CTNNA3: variants seen among roughly 807,000 people sequenced by gnomAD.
The protein encoded by CTNNA3 is catenin alpha-3.
In CTNNA3, 76 loss-of-function variants were observed where a neutral mutation model predicts 95.7. The observed-to-expected ratio is 0.79, with a 90% CI of 0.66 to 0.96. CTNNA3 has a LOEUF of 0.96. Among genes scored for constraint, CTNNA3 ranks in the 40% least tolerant of loss-of-function variants. The pLI, the probability that CTNNA3 is intolerant of heterozygous loss-of-function variation, is 0.00. For synonymous variants in CTNNA3, 431 were observed against 374.4 expected (o/e 1.15, Z -1.74); for missense variants, 1,191 against 1,089.8 (o/e 1.09, Z -1.31).
intron 9 of CTNNA3, among the ~76,000 whole-genome samples, chr10:66,652,703 C>T (rs897812410): frequency 1.3e-5 from 2 of 152,166 alleles, no homozygotes; most frequent in African/African-American, 2.4e-5. Context: ...AAATTACATG[C>T]CAATATTCCT....
At chr10:67,296,934 CAAAA>C (rs1210482029) in intron 5 of CTNNA3, among the ~76,000 whole-genome samples, 110 of 17,644 alleles carry the variant, frequency 6.2e-3, no homozygotes, top group African/African-American at 0.02. Context: ...AACGCTGTCT[CAAAA>C]AAAAAAAAAA....
intron 17 of CTNNA3, among the ~76,000 whole-genome samples, chr10:65,944,848 ATATCTGTCTATCTATC>A (rs1363004039): frequency 1.9e-4 from 25 of 132,714 alleles, no homozygotes; most frequent in African/African-American, 6.3e-4. Context: ...AAACAAGAAA[ATATCTGTCTATCTATC>A]TATCTATCTA....
rs917718468 is a variant in CTNNA3 at position 65,919,125 on chromosome 10, T to A, written c.*1205A>T. On this transcript the variant is annotated 3_prime_UTR_variant, in exon 18 of 18. Coordinates refer to ENST00000433211, the MANE Select transcript of CTNNA3 (RefSeq NM_013266.4). ...CCAAAGAGTTTCTGTTAAGGACATT[T>A]TTGAAAGACAGAGAGAGGCAGGTCA... 1 of 152,122 alleles carries A rather than the reference T, an allele frequency of 6.6e-6. No individual in the cohort carries two copies. Among genetic ancestry groups the A allele is most frequent in the Admixed American group, 6.6e-5 (1 of 15,264 alleles). The allele number at this position is 152,122 out of a possible 1,614,324, so 9.4% of individuals were successfully genotyped here.
At position 66,755,212 on chromosome 10, in the gene CTNNA3, C is replaced by G. The variant is rs559889549; in HGVS notation, c.1281+11052G>C. ...CAAGTGAAAAACAAGTCATAAAGACCACATATTGTATGGTTCCTTTATATT... is the reference window on the plus strand; with the variant it reads ...CAAGTGAAAAACAAGTCATAAAGACGACATATTGTATGGTTCCTTTATATT... On this transcript the variant is annotated intron_variant, in intron 9 of 17. Coordinates refer to ENST00000433211, the MANE Select transcript of CTNNA3 (RefSeq NM_013266.4). Among the ~76,000 whole-genome samples, 6 of 152,078 alleles carry G rather than the reference C, an allele frequency of 3.9e-5. No individual in the cohort carries two copies. The South Asian group carries it at 1.2e-3, about 32-fold the overall frequency.
chr10:66,346,240 TATATATAGAGAGAGAGAGAGAG>T (rs1479406007), intron 12 of CTNNA3, among the ~76,000 whole-genome samples: 98 of 11,354 alleles, frequency 8.6e-3, no homozygotes, highest in Admixed American at 0.024. Context: ...TATATATATA[TATATATAGAGAGAGAGAGAGAG>T]AGAGAGAGAG....
At chr10:66,560,700 T>C (rs1005465522) in intron 10 of CTNNA3, among the ~76,000 whole-genome samples, 2 of 152,074 alleles carry the variant, frequency 1.3e-5, no homozygotes, top group Non-Finnish European at 2.9e-5. Context: ...ACTGAATGTG[T>C]CCTCCAAAAT....
intron 10 of CTNNA3, among the ~76,000 whole-genome samples, chr10:66,599,322 C>T (rs1279695452): frequency 6.6e-6 from 1 of 152,040 alleles, no homozygotes; most frequent in Non-Finnish European, 1.5e-5. Flanking sequence ...TCTTTATTAA[C>T]ATCCACAAAG....
chr10:66,929,808 A>G (rs1847270831), intron 7 of CTNNA3, among the ~76,000 whole-genome samples: 1 of 152,212 alleles, frequency 6.6e-6, no homozygotes, highest in South Asian at 2.1e-4. Context: ...CACGAATATC[A>G]TAGCTTCCAT....
At chr10:67,688,691 C>T (rs140001343) in intron 1 of CTNNA3, among the ~76,000 whole-genome samples, 1,549 of 152,194 alleles carry the variant, frequency 0.01, 27 homozygotes, top group African/African-American at 0.036. Context: ...CAAGGGTGAG[C>T]CTGTTGATGC....
intron 7 of CTNNA3, among the ~76,000 whole-genome samples, chr10:66,854,659 T>G (rs566374195): frequency 1.6e-4 from 24 of 151,988 alleles, no homozygotes; most frequent in African/African-American, 5.5e-4. Context: ...TTAAATTGAC[T>G]GACAAGGGCA....
At chr10:67,501,750 C>T (rs1839240038) in intron 5 of CTNNA3, among the ~76,000 whole-genome samples, 2 of 152,040 alleles carry the variant, frequency 1.3e-5, no homozygotes, top group Admixed American at 6.6e-5. Context: ...TCCGCTTGAT[C>T]GATTCAGCTA....
chr10:66,568,524 A>T (rs1842778688), intron 10 of CTNNA3, among the ~76,000 whole-genome samples: 1 of 152,038 alleles, frequency 6.6e-6, no homozygotes, highest in Non-Finnish European at 1.5e-5. Context: ...TTTATAAAGG[A>T]TATATCTTGG....
chr10:66,909,801 T>A (rs902585976), intron 7 of CTNNA3, among the ~76,000 whole-genome samples: 2 of 152,130 alleles, frequency 1.3e-5, no homozygotes, highest in Admixed American at 6.6e-5. Context: ...CTACAGGTAT[T>A]CCCAGAGAAC....
At chr10:66,239,454 C>G (rs945687453) in intron 13 of CTNNA3, among the ~76,000 whole-genome samples, 2 of 151,946 alleles carry the variant, frequency 1.3e-5, no homozygotes, top group Admixed American at 1.3e-4. Flanking sequence ...TGGACTAGTA[C>G]TACAATTGTC....
chr10:67,116,767 T>A (rs1859212755), intron 7 of CTNNA3, among the ~76,000 whole-genome samples: 1 of 148,576 alleles, frequency 6.7e-6, no homozygotes, highest in South Asian at 2.1e-4. Context: ...TGCTTTATGA[T>A]TTTGTTTATG....
At chr10:66,981,802 C>T (rs191454496) in intron 7 of CTNNA3, among the ~76,000 whole-genome samples, 11 of 152,332 alleles carry the variant, frequency 7.2e-5, no homozygotes, top group East Asian at 1.9e-4. Flanking sequence ...GTTCCTTCAA[C>T]GACTTAAGAA....
intron 12 of CTNNA3, among the ~76,000 whole-genome samples, chr10:66,303,517 C>A (rs2091892023): frequency 6.6e-6 from 1 of 151,828 alleles, no homozygotes; most frequent in African/African-American, 2.4e-5. Flanking sequence ...TTTATTTAAA[C>A]AATTATTATT....
intron 7 of CTNNA3, among the ~76,000 whole-genome samples, chr10:67,035,075 G>A (rs377458170): frequency 7.2e-5 from 11 of 152,108 alleles, no homozygotes; most frequent in African/African-American, 1.7e-4. Context: ...TGATAGCTCC[G>A]CATAGCCCAA....
intron 13 of CTNNA3, among the ~76,000 whole-genome samples, chr10:66,118,501 C>G (rs2082434718): frequency 6.6e-6 from 1 of 152,202 alleles, no homozygotes; most frequent in Non-Finnish European, 1.5e-5. Flanking sequence ...GTCCCAGGCA[C>G]TCTTTAGCTA....
Sources: allele counts gnomAD v4.1 joint callset (sites outside exome capture counted in the v4.1 genomes callset), GRCh38; gene constraint gnomAD v4.1.1; transcripts MANE v1.5; gene names NCBI Gene and HGNC (gene_info 2026-07-23, HGNC 2026-07-21).